The following SLC37A3 variants were observed in gnomAD, a reference collection of about 807,000 sequenced individuals.
The protein encoded by SLC37A3 is solute carrier family 37 member 3.
SLC37A3 carries 51 observed loss-of-function variants against 67.1 expected under a neutral mutation model. The ratio of observed to expected loss-of-function variants is 0.76; its 90% CI spans 0.61 to 0.96. The LOEUF is 0.96. SLC37A3 is among the 40% of genes least tolerant of loss of function. The pLI is 0.00. For missense variants in SLC37A3, 508 were observed against 603.0 expected (o/e 0.84, Z 1.65); for synonymous variants, 214 against 231.4 (o/e 0.92, Z 0.68).
chr7:140,356,953 C>T (rs1463553523), intron 6 of SLC37A3, among the ~76,000 whole-genome samples: 2 of 152,154 alleles, frequency 1.3e-5, no homozygotes, highest in Non-Finnish European at 2.9e-5. Context: ...GTAGCTACGC[C>T]TATAGTCCCA....
In SLC37A3 at chr7:140,346,279, C is replaced by T. The variant is rs540398595; in HGVS notation, c.1025-309G>A. Among the ~76,000 whole-genome samples the T allele has an allele frequency of 2.5e-4, 38 of 152,178 alleles. No individual in the cohort carries two copies. The South Asian group carries it at 6.2e-3, about 25-fold the overall frequency. ...CCTGTAGTCCCAGCTACTCAGGAGG[C>T]TGAGGCAGGAGAATGGTGTGAACCT... On this transcript the variant is annotated intron_variant, in intron 10 of 14. Coordinates refer to ENST00000326232, the MANE Select transcript of SLC37A3 (RefSeq NM_207113.3).
chr7:140,398,116 A>G (rs904322805), intron 1 of SLC37A3, among the ~76,000 whole-genome samples: 13 of 152,132 alleles, frequency 8.5e-5, no homozygotes, highest in African/African-American at 3.1e-4. Context: ...CGGCCGGAGG[A>G]CAGGCGGGCG....
intron 11 of SLC37A3, 122 bp from the exon 12 acceptor site, chr7:140,345,385 G>GTTT: frequency 1.4e-6 from 1 of 706,910 alleles, no homozygotes; most frequent in Non-Finnish European, 2.5e-6. Context: ...AGACAACAAA[G>GTTT]AGACACAACT....
In SLC37A3 at chr7:140,369,666, T is replaced by C. The variant is rs772335976; in HGVS notation, c.215A>G (p.His72Arg). ...CGCTTTCTCTGCACTGGGGAACAAA[T>C]GGTTGCTGCTCCAGATCTACAGTAA... ...ELPVEIWSSN[H>R]LFPSAEKATL... Residue 72 changes from histidine to arginine, a missense_variant, in exon 4 of 15, where the codon CAT becomes CGT. Transcript: ENST00000326232. 1.5e-5 allele frequency: 24 copies of C among 1,607,822 alleles called. No individual in the cohort carries two copies. The East Asian group carries it at 2.5e-4, about 17-fold the overall frequency.
intron 1 of SLC37A3, among the ~76,000 whole-genome samples, chr7:140,385,231 A>G (rs1206656356): frequency 6.6e-6 from 1 of 152,210 alleles, no homozygotes; most frequent in Non-Finnish European, 1.5e-5. Flanking sequence ...AATTTAGCTA[A>G]TTTCATTTTA....
chr7:140,390,305 C>G (rs1417648115), intron 1 of SLC37A3, among the ~76,000 whole-genome samples: 1 of 152,066 alleles, frequency 6.6e-6, no homozygotes, highest in South Asian at 2.1e-4. Context: ...AACAGAGATA[C>G]ACGGTTAGCA....
At chr7:140,367,820 CTTTT>C (rs34092614) in intron 4 of SLC37A3, among the ~76,000 whole-genome samples, 3 of 130,000 alleles carry the variant, frequency 2.3e-5, no homozygotes, top group Admixed American at 7.9e-5. Flanking sequence ...TCCCACCTTC[CTTTT>C]TTTTTTTTTT....
chr7:140,335,427 G>A lies in SLC37A3; in HGVS notation c.1470C>T (p.His490=). The A allele has an allele frequency of 6.2e-7, 1 of 1,614,184 alleles. No homozygotes were observed. Among genetic ancestry groups the A allele is most frequent in the Non-Finnish European group, 8.5e-7 (1 of 1,180,040 alleles). ...IFSLVLRRQA[H]ILRE is the part of the protein sequence containing the mutation. ...CGGGCACCGGTCACTCCCTCAATAT[G>A]TGAGCCTGTCTCCTTAGCACGAGAG... Residue 490 remains histidine, a synonymous_variant, in exon 15 of 15, where the codon CAC becomes CAT. Transcript: ENST00000326232.
chr7:140,385,831 G>A (rs1798426346), intron 1 of SLC37A3, among the ~76,000 whole-genome samples: 2 of 152,260 alleles, frequency 1.3e-5, no homozygotes, highest in South Asian at 2.1e-4. Context: ...TGCCCAGGCT[G>A]GAATGCAGTG....
chr7:140,391,080 C>T (rs866646427), intron 1 of SLC37A3, among the ~76,000 whole-genome samples: 25 of 152,304 alleles, frequency 1.6e-4, no homozygotes, highest in Middle Eastern at 6.8e-3. Flanking sequence ...CCACACTTCC[C>T]AGTAATTTTG....
At chr7:140,355,967 G>T (rs1394220032) in intron 6 of SLC37A3, among the ~76,000 whole-genome samples, 4 of 152,164 alleles carry the variant, frequency 2.6e-5, no homozygotes, top group Non-Finnish European at 5.9e-5. Context: ...GGCCAAGGCG[G>T]ACAGATCACC....
chr7:140,340,791 C>T (rs1337305380), intron 13 of SLC37A3, among the ~76,000 whole-genome samples: 1 of 151,954 alleles, frequency 6.6e-6, no homozygotes, highest in African/African-American at 2.4e-5. Flanking sequence ...ATTAGCTGGG[C>T]ATGGTGGTGG....
At chr7:140,335,911 G>A (rs1796114050) in intron 14 of SLC37A3, among the ~76,000 whole-genome samples, 1 of 136,762 alleles carries the variant, frequency 7.3e-6, no homozygotes, top group South Asian at 2.2e-4. Flanking sequence ...AAGTTACATG[G>A]GCCCAGTCTT....
At position 140,348,761 on chromosome 7, in the gene SLC37A3, G is replaced by A. The variant is rs1434403046; in HGVS notation, c.889C>T (p.Leu297=). 5.0e-6 allele frequency: 8 copies of A among 1,613,906 alleles called. No homozygotes were observed. The highest frequency in any genetic ancestry group is 5.9e-6 in the Non-Finnish European group (7 of 1,179,982). Residue 297 remains leucine (L), a synonymous_variant, in exon 10 of 15, where the codon CTG becomes TTG. Coordinates refer to ENST00000326232, the MANE Select transcript of SLC37A3 (RefSeq NM_207113.3). ...ACTAACTTCAAGCAGGCGTAGGCCA[G>A]TGAGTACTACAAGAAAAGCATTCAA... The part of the protein sequence containing the change: ...CCLPGVIPYS[L]AYACLKLVNY...
intron 1 of SLC37A3, among the ~76,000 whole-genome samples, chr7:140,393,439 T>C (rs1207669831): frequency 6.6e-6 from 1 of 152,174 alleles, no homozygotes; most frequent in African/African-American, 2.4e-5. Flanking sequence ...GGTGAGGATC[T>C]AGCTTGTCTC....
chr7:140,362,170 G>A (rs1166798252), intron 5 of SLC37A3, among the ~76,000 whole-genome samples: 7 of 137,328 alleles, frequency 5.1e-5, no homozygotes, highest in East Asian at 2.3e-4. Context: ...GCCGCCCATT[G>A]TCTGAGATGT....
intron 5 of SLC37A3, among the ~76,000 whole-genome samples, chr7:140,362,023 A>G (rs1386327280): frequency 2.5e-5 from 3 of 118,830 alleles, no homozygotes; most frequent in Admixed American, 7.9e-5. Context: ...CGTCTGGGAT[A>G]TGAGGAGCCT....
intron 9 of SLC37A3, among the ~76,000 whole-genome samples, chr7:140,349,553 A>C (rs1796711276): frequency 6.6e-6 from 1 of 150,896 alleles, no homozygotes; most frequent in Non-Finnish European, 1.5e-5. Context: ...GGGGGGACAG[A>C]GGGGCTGACT....
chr7:140,345,100 G>T, intron 12 of SLC37A3, 116 bp downstream of exon 12: 225 of 808,656 alleles, frequency 2.8e-4, no homozygotes, highest in East Asian at 3.4e-4. Context: ...TTTAAAATTT[G>T]AATTCTCTGT....
Sources: gnomAD v4.1 joint callset for allele counts (sites outside exome capture counted in the v4.1 genomes callset) on GRCh38, gnomAD v4.1.1 for gene constraint, MANE v1.5 for transcripts, NCBI Gene and HGNC (gene_info 2026-07-23, HGNC 2026-07-21) for gene names.